Variants in ZNF605 observed in about 807,000 individuals in gnomAD.
ZNF605 encodes zinc finger protein 605.
Under a neutral mutation model 7.9 loss-of-function variants are expected in ZNF605, and 9 were observed. The ratio of observed to expected loss-of-function variants is 1.14; its 90% CI spans 0.68 to 1.98. ZNF605 has a LOEUF of 1.98. Ranked by LOEUF, ZNF605 falls within the 30% of genes most tolerant of loss-of-function variation. The pLI, the probability that ZNF605 is intolerant of heterozygous loss-of-function variation, is 0.00. For missense variants in ZNF605, 673 were observed against 762.4 expected (o/e 0.88, Z 1.38); for synonymous variants, 255 against 260.1 (o/e 0.98, Z 0.19).
At chr12:132,950,786 A>T in intron 1 of ZNF605, among the ~76,000 whole-genome samples, 1 of 151,988 alleles carries the variant, frequency 6.6e-6, no homozygotes, top group East Asian at 2.0e-4. Flanking sequence ...ATGTACACAC[A>T]GACACACTGA....
rs1015397820 is a variant in ZNF605, at chr12:132,920,301, G to C, written c.*5072C>G. Reference sequence around the variant, plus strand: ...ACTACAGGCGCTGGCCACCTCACCTGGCTAATTTTTTGTATTTTTAGTAGA... The same window carrying C: ...ACTACAGGCGCTGGCCACCTCACCTCGCTAATTTTTTGTATTTTTAGTAGA... On this transcript the variant is annotated 3_prime_UTR_variant, in exon 5 of 5. Transcript: ENST00000360187. 1 of 151,968 alleles carries C rather than the reference G, an allele frequency of 6.6e-6. No homozygotes were observed. The highest frequency in any genetic ancestry group is 1.5e-5 in the Non-Finnish European group (1 of 68,126). The allele number at this position is 151,968 out of a possible 1,614,324, so 9.4% of individuals were successfully genotyped here. A position where few individuals can be genotyped will look rare whatever the true frequency, so the allele number is the denominator to read the frequency against.
chr12:132,947,175 G>A (rs1312817143), intron 2 of ZNF605, among the ~76,000 whole-genome samples: 1 of 151,990 alleles, frequency 6.6e-6, no homozygotes, highest in Non-Finnish European at 1.5e-5. Flanking sequence ...ATCACGCCTG[G>A]CCAATTTTTT....
chr12:132,934,775 TCA>T (rs1467143428), intron 3 of ZNF605, among the ~76,000 whole-genome samples: 3 of 142,792 alleles, frequency 2.1e-5, no homozygotes, highest in Non-Finnish European at 4.6e-5. Flanking sequence ...TAGAAAAAAA[TCA>T]CATTCTCAAG....
Position 132,925,636 on chromosome 12 carries a change from G to T in ZNF605, c.1663C>A (p.His555Asn). 1 of 1,614,180 alleles carries T rather than the reference G, an allele frequency of 6.2e-7. No individual in the cohort carries two copies. Among genetic ancestry groups the T allele is most frequent in the Non-Finnish European group, 8.5e-7 (1 of 1,180,018 alleles). Residue 555 changes from histidine (H) to asparagine (N), a missense_variant, in exon 5 of 5, where the codon CAC becomes AAC. Physicochemically the swap from His to Asn is moderately conservative, Grantham distance 68. Coordinates refer to ENST00000360187, the MANE Select transcript of ZNF605 (RefSeq NM_183238.4). ...KVQLIKHQRN[H>N]TGEKTYGCSD... ...CATCCATAGGTTTTCTCTCCTGTGTGATTTCTTTGATGCTTAATGAGCTGC... is the reference window on the plus strand; with the variant it reads ...CATCCATAGGTTTTCTCTCCTGTGTTATTTCTTTGATGCTTAATGAGCTGC...
chr12:132,950,445 G>A (rs1042316357), intron 1 of ZNF605, among the ~76,000 whole-genome samples: 1 of 147,220 alleles, frequency 6.8e-6, no homozygotes, highest in African/African-American at 2.7e-5. Flanking sequence ...ACGTGCAGAC[G>A]TGCACAGACG....
chr12:132,930,028 A>G (rs1952291504), intron 4 of ZNF605, among the ~76,000 whole-genome samples: 1 of 152,240 alleles, frequency 6.6e-6, no homozygotes, highest in Non-Finnish European at 1.5e-5. Flanking sequence ...TACAGGCTTA[A>G]AAGTAGTATT....
intron 1 of ZNF605, among the ~76,000 whole-genome samples, chr12:132,951,577 A>ACACAGACATG (rs1356318375): frequency 1.3e-5 from 2 of 151,874 alleles, no homozygotes; most frequent in Non-Finnish European, 2.9e-5. Flanking sequence ...TATACCATAC[A>ACACAGACATG]CACAGACATG....
At chr12:132,932,268 G>C (rs1481321699) in intron 4 of ZNF605, among the ~76,000 whole-genome samples, 3 of 152,050 alleles carry the variant, frequency 2.0e-5, no homozygotes, top group East Asian at 3.8e-4. Flanking sequence ...TTTTCACTCT[G>C]TATCAGTGGG....
rs562719642 is a variant in ZNF605, at chr12:132,920,939, G to A, written c.*4434C>T. 4 of 152,236 alleles carry A rather than the reference G, an allele frequency of 2.6e-5. No homozygotes were observed. The highest frequency in any genetic ancestry group is 7.2e-5 in the African/African-American group (3 of 41,418). 9.4% of individuals were successfully genotyped at this position (152,236 alleles called of 1,614,324 possible). ...CCTCCCAGGTACAAGTGATTCTCTTGTCTCAGCCTCCCAAGTAGCTCGGAT... is the reference window on the plus strand; with the variant it reads ...CCTCCCAGGTACAAGTGATTCTCTTATCTCAGCCTCCCAAGTAGCTCGGAT... On this transcript the variant is annotated 3_prime_UTR_variant, in exon 5 of 5. Coordinates refer to ENST00000360187, the MANE Select transcript of ZNF605 (RefSeq NM_183238.4).
intron 4 of ZNF605, 115 bp from the exon 5 acceptor site, chr12:132,927,277 G>A (rs1266485705): frequency 8.8e-6 from 6 of 680,576 alleles, no homozygotes; most frequent in Non-Finnish European, 1.1e-5. Flanking sequence ...CTCAAATAAT[G>A]TGTACTTATT....
chr12:132,943,676 T>A (rs1404750590), intron 3 of ZNF605, among the ~76,000 whole-genome samples: 1 of 152,100 alleles, frequency 6.6e-6, no homozygotes, highest in East Asian at 1.9e-4. Context: ...ACTTTTCTAC[T>A]CCCAGCCCCT....
intron 2 of ZNF605, among the ~76,000 whole-genome samples, chr12:132,946,652 G>A (rs1952496782): frequency 6.6e-6 from 1 of 152,206 alleles, no homozygotes; most frequent in African/African-American, 2.4e-5. Context: ...CTGTTCTTTG[G>A]GTATTTTCTG....
chr12:132,949,525 C>T (rs1471202340), intron 1 of ZNF605, among the ~76,000 whole-genome samples: 5 of 152,256 alleles, frequency 3.3e-5, no homozygotes, highest in East Asian at 3.9e-4. Context: ...TTGTCGCCAC[C>T]GGACTTTGGG....
At chr12:132,946,234 CA>C (rs147056086) in intron 2 of ZNF605, among the ~76,000 whole-genome samples, 41,147 of 152,142 alleles carry the variant, frequency 0.27, 6,171 homozygotes, top group African/African-American at 0.41. Flanking sequence ...CAGAGTAAAA[CA>C]CCAACTTACT....
intron 4 of ZNF605, chr12:132,932,673 A>G: frequency 7.5e-7 from 1 of 1,336,032 alleles, no homozygotes; most frequent in Non-Finnish European, 1.0e-6. Flanking sequence ...AACCTGAGAT[A>G]AAATGTTCAC....
At chr12:132,940,491 G>A (rs1161431696) in intron 3 of ZNF605, among the ~76,000 whole-genome samples, 2 of 152,144 alleles carry the variant, frequency 1.3e-5, no homozygotes, top group East Asian at 1.9e-4. Flanking sequence ...GGATGCTACA[G>A]GACTATGATG....
intron 4 of ZNF605, among the ~76,000 whole-genome samples, chr12:132,929,797 T>C (rs912847497): frequency 1.3e-5 from 2 of 151,764 alleles, no homozygotes; most frequent in Non-Finnish European, 1.5e-5. Context: ...ATACAACAAA[T>C]AGCTGGGCGT....
chr12:132,925,957 G>T lies in ZNF605; in HGVS notation c.1342C>A (p.Pro448Thr), dbSNP rs1016326387. ...THHRTHTGEK[P>T]YECSECGKAF... ...TTCCCACACTCACTGCATTCATAAG[G>T]CTTCTCCCCAGTGTGTGTTCTGTGA... The change falls in exon 5 of 5, where the codon CCT becomes ACT. Residue 448 changes from proline to threonine, a missense_variant. Coordinates refer to ENST00000360187, the MANE Select transcript of ZNF605 (RefSeq NM_183238.4). 6.2e-7 allele frequency: 1 copy of T among 1,614,020 alleles called. No homozygotes were observed.
chr12:132,945,812 G>T lies in ZNF605; in HGVS notation c.-162-15C>A. ...AGGGCTATTGCCTGTGGATGCAGTG[G>T]ACATTTTATTTTAGATGATCTAATT... On this transcript the variant is annotated splice_polypyrimidine_tract_variant and intron_variant, in intron 2 of 4. Transcript: ENST00000360187. 1 of 842,106 alleles carries T rather than the reference G, an allele frequency of 1.2e-6. No homozygotes were observed. Among genetic ancestry groups the T allele is most frequent in the Non-Finnish European group, 2.0e-6 (1 of 510,838 alleles). 52.2% of individuals were successfully genotyped at this position (842,106 alleles called of 1,614,324 possible). A position where few individuals can be genotyped will look rare whatever the true frequency, so the allele number is the denominator to read the frequency against.
Sources: gnomAD v4.1 joint callset for allele counts (sites outside exome capture counted in the v4.1 genomes callset) on GRCh38, gnomAD v4.1.1 for gene constraint, MANE v1.5 for transcripts, NCBI Gene and HGNC (gene_info 2026-07-23, HGNC 2026-07-21) for gene names.